FAM234B: variants seen among roughly 807,000 people sequenced by gnomAD.
FAM234B encodes the protein family with sequence similarity 234 member B, also known as protein FAM234B.
FAM234B carries 33 observed loss-of-function variants against 69.3 expected under a neutral mutation model. That is an observed-to-expected ratio of 0.48 (90% CI 0.36 to 0.64). FAM234B has a LOEUF of 0.64. Ranked by LOEUF, FAM234B falls within the 30% of genes least tolerant of loss-of-function variation. The pLI, the probability that FAM234B is intolerant of heterozygous loss-of-function variation, is 0.00. For missense variants in FAM234B, 697 were observed against 769.7 expected (o/e 0.91, Z 1.12); for synonymous variants, 306 against 306.9 (o/e 1.00, Z 0.03).
intron 1 of FAM234B, among the ~76,000 whole-genome samples, chr12:13,049,829 T>G (rs918609241): frequency 3.9e-5 from 6 of 152,264 alleles, no homozygotes; most frequent in Non-Finnish European, 7.3e-5. Flanking sequence ...GTTTCGTTGT[T>G]ACTTCTTTCT....
intron 1 of FAM234B, among the ~76,000 whole-genome samples, chr12:13,050,358 G>A (rs1864862794): frequency 1.3e-5 from 2 of 152,060 alleles, no homozygotes; most frequent in South Asian, 2.1e-4. Context: ...TCTGTATCCT[G>A]ACTGGGCCCA....
chr12:13,079,832 G>T lies in FAM234B; in HGVS notation c.1686G>T (p.Arg562Ser). The T allele has an allele frequency of 6.2e-7, 1 of 1,614,014 alleles. No individual in the cohort carries two copies. The highest frequency in any genetic ancestry group is 8.5e-7 in the Non-Finnish European group (1 of 1,179,972). ...DLWKDAFYVT[R>S]TTGPSSEGHP... The stretch of plus-strand genomic sequence containing the variant: ...GGAAAGATGCCTTTTATGTTACCAG[G>T]ACAACAGGGCCAAGCTCCGAAGGCC... Residue 562 changes from arginine (R) to serine (S), a missense_variant, in exon 12 of 13, where the codon AGG (arginine) becomes AGT (serine). Arg to Ser is a moderately radical substitution (Grantham distance 110). This residue lies in a region of FAM234B where 313 missense variants were observed against 305.5 expected (regional missense o/e 1.02). Transcript: ENST00000197268.
chr12:13,070,199 ATATATATATAT>A lies in FAM234B; in HGVS notation c.1369-1041_1369-1031del, dbSNP rs1865090090. ...TATATATATATATATATATATATATATATATATATATAAAATGAAATATGTGTTTGAGTGGA... is the reference window on the plus strand; with the variant it reads ...TATATATATATATATATATATATATAAAAATGAAATATGTGTTTGAGTGGA... On this transcript the variant is annotated intron_variant, in intron 9 of 12. Transcript: ENST00000197268. 1.0e-4 allele frequency among the ~76,000 whole-genome samples: 15 copies of A among 145,350 alleles called. 1 individual carries two copies. Among genetic ancestry groups the A allele is most frequent in the East Asian group, 1.0e-3 (5 of 5,000 alleles).
At chr12:13,061,000 T>A (rs1261757162) in intron 3 of FAM234B, among the ~76,000 whole-genome samples, 1 of 152,216 alleles carries the variant, frequency 6.6e-6, no homozygotes, top group Non-Finnish European at 1.5e-5. Flanking sequence ...TTGCTATATG[T>A]AATCTTCAAG....
At position 13,067,388 on chromosome 12, in the gene FAM234B, T is replaced by C. The variant is rs989525956; in HGVS notation, c.1142+92T>C. 16 of 1,347,008 alleles carry C rather than the reference T, an allele frequency of 1.2e-5. No individual in the cohort carries two copies. The African/African-American group carries it at 2.2e-4, about 18-fold the overall frequency. The allele number at this position is 1,347,008 out of a possible 1,614,324, so 83.4% of individuals were successfully genotyped here. A position where few individuals can be genotyped will look rare whatever the true frequency, so the allele number is the denominator to read the frequency against. ...AAGTTTGGTTGGGCTGGTGAATATG[T>C]GGGTAGAGGTTTAGGGGAAACAGTG... On this transcript the variant is annotated intron_variant, in intron 7 of 12. Transcript: ENST00000197268. This position sits in a 1 kb window ranked among gnomAD's most constrained non-coding sequence, Gnocchi z 4.7.
intron 3 of FAM234B, among the ~76,000 whole-genome samples, 200 bp from the exon 4 acceptor site, chr12:13,061,375 T>TA (rs1454020701): frequency 6.6e-6 from 1 of 152,208 alleles, no homozygotes; most frequent in Non-Finnish European, 1.5e-5. Context: ...GCTCTTGTCT[T>TA]ACATGAGAAG....
chr12:13,053,841 A>T (rs1864900655), intron 1 of FAM234B, among the ~76,000 whole-genome samples: 1 of 152,078 alleles, frequency 6.6e-6, no homozygotes, highest in Non-Finnish European at 1.5e-5. Context: ...TCAACCACAT[A>T]AGACAGACAC....
At chr12:13,065,675 C>T (rs723438) in intron 5 of FAM234B, among the ~76,000 whole-genome samples, 36,770 of 151,924 alleles carry the variant, frequency 0.24, 5,448 homozygotes, top group East Asian at 0.53. Flanking sequence ...TATTAGCTAT[C>T]CCTCTCAGCT....
In FAM234B at chr12:13,071,369, A is replaced by C. The variant is rs1258643645; in HGVS notation, c.1497A>C (p.Glu499Asp). 2 of 1,614,160 alleles carry C rather than the reference A, an allele frequency of 1.2e-6. No individual in the cohort carries two copies. The highest frequency in any genetic ancestry group is 4.5e-5 in the East Asian group (2 of 44,870). ...AGTCTGTCTTCCTCTTCTGGGCCGA[A>C]GGGCTGTCAGCTGCATCTCCCAATT... ...DQKSVFLFWA[E>D]GLSAASPNSD... Residue 499 changes from glutamate (E) to aspartate (D), a missense_variant, in exon 10 of 13, where the codon GAA becomes GAC. Physicochemically the swap from Glu to Asp is conservative, Grantham distance 45. Transcript: ENST00000197268.
chr12:13,066,598 T>C lies in FAM234B; in HGVS notation c.853-42T>C, dbSNP rs141213682. ...GAGAAGCCATTTCATTAGCAAACGA[T>C]AGGGCTTCTATTGACTCCACCCCCC... is the stretch of plus-strand genomic sequence containing the variant. On this transcript the variant is annotated intron_variant, in intron 5 of 12. Coordinates refer to ENST00000197268, the MANE Select transcript of FAM234B (RefSeq NM_020853.2). 439 of 1,562,828 alleles carry C rather than the reference T, an allele frequency of 2.8e-4. 1 individual carries two copies. The East Asian group carries it at 8.9e-3, about 32-fold the overall frequency.
At position 13,082,863 on chromosome 12, in the gene FAM234B, A is replaced by G. The variant is rs1391427164; in HGVS notation, c.*2233A>G. 1 of 152,204 alleles carries G rather than the reference A, an allele frequency of 6.6e-6. No individual in the cohort carries two copies. Among genetic ancestry groups the G allele is most frequent in the Non-Finnish European group, 1.5e-5 (1 of 68,030 alleles). The allele number at this position is 152,204 out of a possible 1,614,324, so 9.4% of individuals were successfully genotyped here. ...GGCAAATCCCAGAAAGATAAGAGGA[A>G]GCTAGAGAAACTTAATGTACCTGAA... On this transcript the variant is annotated 3_prime_UTR_variant, in exon 13 of 13. Transcript: ENST00000197268.
chr12:13,076,507 A>C (rs1332820689), intron 11 of FAM234B, among the ~76,000 whole-genome samples: 1 of 152,194 alleles, frequency 6.6e-6, no homozygotes, highest in Non-Finnish European at 1.5e-5. Flanking sequence ...TTCTTGACCC[A>C]CTCAGAGATT....
chr12:13,072,584 G>A (rs1457164933), intron 10 of FAM234B, among the ~76,000 whole-genome samples: 2 of 151,932 alleles, frequency 1.3e-5, no homozygotes, highest in African/African-American at 2.4e-5. Flanking sequence ...ACAAAAAATA[G>A]CCAGGTGTGA....
In FAM234B at chr12:13,076,015, C is replaced by G. The variant is rs1174832336; in HGVS notation, c.1525-11C>G. 1 of 1,597,518 alleles carries G rather than the reference C, an allele frequency of 6.3e-7. No homozygotes were observed. On this transcript the variant is annotated splice_polypyrimidine_tract_variant and intron_variant, in intron 10 of 12. Transcript: ENST00000197268. ...TTACCTTTGCTCTTCCTTTTTGCTGCTTATTATCAGGATATCATCCTAGGA... is the reference window on the plus strand; with the variant it reads ...TTACCTTTGCTCTTCCTTTTTGCTGGTTATTATCAGGATATCATCCTAGGA...
At chr12:13,047,268 A>G (rs925814446) in intron 1 of FAM234B, among the ~76,000 whole-genome samples, 1 of 152,194 alleles carries the variant, frequency 6.6e-6, no homozygotes, top group East Asian at 1.9e-4. Context: ...TCTCCTAAGT[A>G]TATATATATT....
At chr12:13,055,083 T>C (rs980947657) in intron 1 of FAM234B, among the ~76,000 whole-genome samples, 2 of 152,206 alleles carry the variant, frequency 1.3e-5, no homozygotes, top group Non-Finnish European at 1.5e-5. Flanking sequence ...GCCACAGATA[T>C]TGGGCTGTGA....
chr12:13,079,904 A>G lies in FAM234B; in HGVS notation c.1758A>G (p.Leu586=), dbSNP rs756248925. ...GCAAGCTTAGTCTACGGTGGGCACT[A>G]ATGGAGGGCCAGATGGCTCAGCTAC... The part of the protein sequence containing the change: ...VVSKLSLRWA[L]MEGQMAQLQE... The change falls in exon 12 of 13, where the codon CTA becomes CTG. Residue 586 remains leucine, a synonymous_variant. Transcript: ENST00000197268. The G allele has an allele frequency of 1.2e-6, 2 of 1,614,064 alleles. No individual in the cohort carries two copies. The highest frequency in any genetic ancestry group is 4.5e-5 in the East Asian group (2 of 44,874).
chr12:13,070,771 G>T (rs1255180500), intron 9 of FAM234B, among the ~76,000 whole-genome samples: 1 of 151,996 alleles, frequency 6.6e-6, no homozygotes, highest in African/African-American at 2.4e-5. Flanking sequence ...CCATAAAACT[G>T]GGAACACCGT....
At position 13,067,726 on chromosome 12, in the gene FAM234B, T is replaced by C. The variant is rs771947424; in HGVS notation, c.1142+430T>C. Among the ~76,000 whole-genome samples, 14 of 152,352 alleles carry C rather than the reference T, an allele frequency of 9.2e-5. No individual in the cohort carries two copies. Among genetic ancestry groups the C allele is most frequent in the South Asian group, 2.1e-4 (1 of 4,832 alleles). Reference sequence around the variant, plus strand: ...TTTTTATTTTTATTTATTTCCTAACTAGAAGCATGTAGTTTGTCACATGCA... The same window carrying C: ...TTTTTATTTTTATTTATTTCCTAACCAGAAGCATGTAGTTTGTCACATGCA... On this transcript the variant is annotated intron_variant, in intron 7 of 12. Coordinates refer to ENST00000197268, the MANE Select transcript of FAM234B (RefSeq NM_020853.2). The surrounding 1 kb of genome is among the most constrained non-coding windows in gnomAD (Gnocchi z 4.7).
Sources: gnomAD v4.1 joint callset for allele counts (sites outside exome capture counted in the v4.1 genomes callset) on GRCh38, gnomAD v4.1.1 for gene constraint, gnomAD v4.1.1 regional missense constraint, Gnocchi (gnomAD v3.1) non-coding constraint, MANE v1.5 for transcripts, NCBI Gene and HGNC (gene_info 2026-07-23, HGNC 2026-07-21) for gene names.